CEP63: variants seen among roughly 807,000 people sequenced by gnomAD.
The protein encoded by CEP63 is centrosomal protein of 63 kDa.
A neutral mutation model predicts 89.1 loss-of-function variants in CEP63; 84 were observed. That is an observed-to-expected ratio of 0.94 (90% confidence interval 0.79 to 1.13). CEP63 has a LOEUF of 1.13. CEP63 is among the 50% of genes most tolerant of loss of function. The pLI is 0.00. For synonymous variants in CEP63, 267 were observed against 272.5 expected (o/e 0.98, Z 0.20); for missense variants, 838 against 813.3 (o/e 1.03, Z -0.37).
the CEP63 span, among the ~76,000 whole-genome samples, chr3:134,641,523 A>T: frequency 3.3e-5 from 5 of 152,160 alleles, no homozygotes; most frequent in African/African-American, 1.2e-4. Flanking sequence ...CAGCAGGAAG[A>T]GGCAAGGAAT....
intron 2 of CEP63, among the ~76,000 whole-genome samples, chr3:134,495,832 T>G (rs1226273579): frequency 1.3e-5 from 2 of 152,358 alleles, no homozygotes; most frequent in East Asian, 3.8e-4. Flanking sequence ...ATGAGATATT[T>G]GTCTTTCTGT....
intron 1 of CEP63, among the ~76,000 whole-genome samples, chr3:134,492,270 C>G (rs928480121): frequency 6.6e-6 from 1 of 152,126 alleles, no homozygotes; most frequent in East Asian, 1.9e-4. Flanking sequence ...GACGGGGTTT[C>G]ACCGTGTTAG....
chr3:134,760,059 T>C, the CEP63 span, among the ~76,000 whole-genome samples: 2 of 67,288 alleles, frequency 3.0e-5, no homozygotes, highest in African/African-American at 1.6e-4. Context: ...GAGCACTTTC[T>C]TTTTTTTTTT....
At chr3:134,590,055 A>G (rs1434279416), downstream of CEP63, among the ~76,000 whole-genome samples, 1 of 152,216 alleles carries the variant, frequency 6.6e-6, no homozygotes, top group African/African-American at 2.4e-5. Flanking sequence ...TTGAGCACAA[A>G]GAAGGGAACA....
the CEP63 span, among the ~76,000 whole-genome samples, chr3:134,744,638 C>A: frequency 6.6e-6 from 1 of 152,162 alleles, no homozygotes; most frequent in Non-Finnish European, 1.5e-5. Context: ...CCTCAGTCTC[C>A]TGAGTAGCTG....
intron 6 of CEP63, among the ~76,000 whole-genome samples, chr3:134,538,424 G>T (rs970619722): frequency 3.3e-5 from 5 of 149,348 alleles, no homozygotes; most frequent in Non-Finnish European, 3.0e-5. Flanking sequence ...CTAGGCCACA[G>T]CAAGCTGTGC....
At chr3:134,691,000 T>C in the CEP63 span, among the ~76,000 whole-genome samples, 1 of 152,148 alleles carries the variant, frequency 6.6e-6, no homozygotes, top group Non-Finnish European at 1.5e-5. Flanking sequence ...CTGCCCGCCT[T>C]GGCCTCCCAA....
chr3:134,634,955 T>C, the CEP63 span, among the ~76,000 whole-genome samples: 1 of 152,224 alleles, frequency 6.6e-6, no homozygotes, highest in Non-Finnish European at 1.5e-5. Flanking sequence ...AGTGGGATTG[T>C]AAAATAGAAC....
At chr3:134,631,043 C>T in the CEP63 span, among the ~76,000 whole-genome samples, 2 of 152,154 alleles carry the variant, frequency 1.3e-5, no homozygotes, top group Non-Finnish European at 2.9e-5. Context: ...CAGATATCGT[C>T]CAGTTTGAAC....
At chr3:134,491,786 G>C (rs1051916421) in intron 1 of CEP63, among the ~76,000 whole-genome samples, 1 of 152,168 alleles carries the variant, frequency 6.6e-6, no homozygotes, top group African/African-American at 2.4e-5. Flanking sequence ...CGACACCAAG[G>C]CAGGTACAGG....
intron 2 of CEP63, among the ~76,000 whole-genome samples, chr3:134,497,105 AT>A (rs1438864832): frequency 2.0e-5 from 3 of 152,054 alleles, no homozygotes; most frequent in African/African-American, 7.2e-5. Flanking sequence ...CTTTGCCCAC[AT>A]TTTAATAGGG....
the CEP63 span, among the ~76,000 whole-genome samples, chr3:134,736,521 T>G: frequency 1.1e-5 from 1 of 87,750 alleles, no homozygotes; most frequent in Non-Finnish European, 2.4e-5. Flanking sequence ...CAATGAATAG[T>G]CAGAAAATGC....
intron 1 of CEP63, among the ~76,000 whole-genome samples, chr3:134,488,942 G>T (rs573237605): frequency 2.0e-4 from 30 of 152,106 alleles, no homozygotes; most frequent in African/African-American, 5.1e-4. Context: ...TGGATCACGA[G>T]GTCAGGAGTT....
the CEP63 span, among the ~76,000 whole-genome samples, chr3:134,740,531 T>C: frequency 1.3e-5 from 2 of 152,100 alleles, no homozygotes; most frequent in Non-Finnish European, 2.9e-5. Flanking sequence ...TCTCCTGACC[T>C]CGTGATCCGC....
the CEP63 span, among the ~76,000 whole-genome samples, chr3:134,738,028 G>A: frequency 6.6e-6 from 1 of 152,108 alleles, no homozygotes; most frequent in Non-Finnish European, 1.5e-5. Flanking sequence ...CAAGAATGCT[G>A]GGAAGTGTGA....
the CEP63 span, among the ~76,000 whole-genome samples, chr3:134,765,883 A>G: frequency 1.5e-4 from 23 of 152,302 alleles, no homozygotes; most frequent in South Asian, 3.1e-3. Context: ...GGGCCAGAAA[A>G]GACATACTGG....
At chr3:134,689,715 A>C in the CEP63 span, among the ~76,000 whole-genome samples, 6 of 152,078 alleles carry the variant, frequency 3.9e-5, no homozygotes, top group Non-Finnish European at 8.8e-5. Context: ...CAGCCTCCCA[A>C]AGTGCTAGGA....
At chr3:134,636,347 G>T in the CEP63 span, among the ~76,000 whole-genome samples, 49,735 of 152,040 alleles carry the variant, frequency 0.33, 8,440 homozygotes, top group African/African-American at 0.36. Flanking sequence ...GAGGTCTTTT[G>T]TTCCACCCCT....
chr3:134,611,169 G>A, the CEP63 span, among the ~76,000 whole-genome samples: 9 of 152,344 alleles, frequency 5.9e-5, no homozygotes, highest in East Asian at 1.9e-4. Flanking sequence ...TGGAAATGCC[G>A]ACCAGTCAAC....
Sources: allele counts gnomAD v4.1 joint callset (sites outside exome capture counted in the v4.1 genomes callset), GRCh38; gene constraint gnomAD v4.1.1; transcripts MANE v1.5; gene names NCBI Gene and HGNC (gene_info 2026-07-23, HGNC 2026-07-21).